CNTNAP4: variants seen among roughly 807,000 people sequenced by gnomAD.
CNTNAP4 encodes the protein contactin associated protein family member 4, also known as contactin-associated protein-like 4.
A neutral mutation model predicts 148.4 loss-of-function variants in CNTNAP4; 98 were observed. The ratio of observed to expected loss-of-function variants is 0.66; its 90% CI spans 0.56 to 0.78. The LOEUF is 0.78. Ranked by LOEUF, CNTNAP4 falls within the 30% of genes least tolerant of loss-of-function variation. The pLI is 0.00. For synonymous variants in CNTNAP4, 730 were observed against 565.1 expected (o/e 1.29, Z -4.14); for missense variants, 1,935 against 1,565.6 (o/e 1.24, Z -3.98).
chr16:76,350,759 A>G (rs533849515), intron 2 of CNTNAP4, among the ~76,000 whole-genome samples: 1 of 152,240 alleles, frequency 6.6e-6, no homozygotes, highest in South Asian at 2.1e-4. Context: ...TTTAATTCTC[A>G]TAACAATACT....
intron 4 of CNTNAP4, among the ~76,000 whole-genome samples, chr16:76,430,651 CA>C (rs148451964): frequency 0.027 from 4,173 of 152,280 alleles, 135 homozygotes; most frequent in African/African-American, 0.085. Context: ...TGAAGGATTG[CA>C]TGCAACTGGC....
At chr16:76,444,308 TAATA>T (rs1278065538) in intron 4 of CNTNAP4, among the ~76,000 whole-genome samples, 4 of 152,200 alleles carry the variant, frequency 2.6e-5, no homozygotes, top group Admixed American at 2.0e-4. Context: ...ATTCATTCAG[TAATA>T]AATAGTAAAA....
intron 3 of CNTNAP4, among the ~76,000 whole-genome samples, chr16:76,395,087 G>A (rs944457292): frequency 6.6e-6 from 1 of 152,084 alleles, no homozygotes. Flanking sequence ...ATGGCAAAAC[G>A]TGACTCTCCC....
At chr16:76,519,919 A>G (rs1281304071) in intron 15 of CNTNAP4, among the ~76,000 whole-genome samples, 3 of 152,252 alleles carry the variant, frequency 2.0e-5, no homozygotes, top group Non-Finnish European at 4.4e-5. Context: ...GTAAATTAAA[A>G]TTTAAGAAAC....
At chr16:76,507,764 G>A (rs2082882454) in intron 15 of CNTNAP4, among the ~76,000 whole-genome samples, 1 of 94,702 alleles carries the variant, frequency 1.1e-5, no homozygotes, top group African/African-American at 2.7e-5. Flanking sequence ...TCATACACAG[G>A]GTTAAACCTA....
intron 4 of CNTNAP4, among the ~76,000 whole-genome samples, chr16:76,430,214 G>A (rs2079559931): frequency 6.6e-6 from 1 of 152,184 alleles, no homozygotes; most frequent in African/African-American, 2.4e-5. Context: ...GTCAGAGACT[G>A]TAAAGAATAA....
At chr16:76,380,402 G>A (rs764731740) in intron 3 of CNTNAP4, among the ~76,000 whole-genome samples, 2 of 152,090 alleles carry the variant, frequency 1.3e-5, no homozygotes, top group Admixed American at 6.5e-5. Context: ...AAAATAAATT[G>A]GGGATTAAGT....
intron 4 of CNTNAP4, among the ~76,000 whole-genome samples, chr16:76,434,741 A>G (rs1402303655): frequency 6.6e-6 from 1 of 152,046 alleles, no homozygotes; most frequent in African/African-American, 2.4e-5. Flanking sequence ...ATAGCCCTCA[A>G]CCTCCCAGCC....
chr16:76,464,075 A>C (rs9921237), intron 9 of CNTNAP4, among the ~76,000 whole-genome samples: 8,434 of 152,210 alleles, frequency 0.055, 612 homozygotes, highest in African/African-American at 0.18. Context: ...CCAGGGCTGG[A>C]AGCAAGGAGC....
Position 76,489,822 on chromosome 16 carries a change from A to G in CNTNAP4, c.2019A>G (p.Ala673=), listed in dbSNP as rs1277610345. The G allele has an allele frequency of 3.7e-6, 6 of 1,605,916 alleles. No individual in the cohort carries two copies. Among genetic ancestry groups the G allele is most frequent in the Non-Finnish European group, 3.4e-6 (4 of 1,175,544 alleles). The change falls in exon 13 of 24, where the codon GCA becomes GCG. Residue 673 remains alanine (A), a synonymous_variant. Coordinates refer to ENST00000611870, the MANE Select transcript of CNTNAP4 (RefSeq NM_033401.5). ...AACTTCAGGCCACTATTAACCGTGC[A>G]GAGCACTGTGAACAGGAGTTTACTT... ...MEQLQATINR[A]EHCEQEFTYY...
chr16:76,331,266 T>C (rs952410970), intron 2 of CNTNAP4, among the ~76,000 whole-genome samples: 1 of 151,752 alleles, frequency 6.6e-6, no homozygotes, highest in African/African-American at 2.4e-5. Flanking sequence ...CGGCTCACTG[T>C]AAGCTCCGCC....
chr16:76,370,447 G>A (rs1014151949), intron 3 of CNTNAP4, among the ~76,000 whole-genome samples: 7 of 152,100 alleles, frequency 4.6e-5, no homozygotes, highest in African/African-American at 1.7e-4. Context: ...CTTGTAAAAG[G>A]CTCAGCCACT....
chr16:76,434,746 C>G (rs78832620), intron 4 of CNTNAP4, among the ~76,000 whole-genome samples: 4,260 of 152,272 alleles, frequency 0.028, 93 homozygotes, highest in African/African-American at 0.06. Context: ...CCTCAACCTC[C>G]CAGCCAGGAA....
intron 3 of CNTNAP4, among the ~76,000 whole-genome samples, chr16:76,421,349 AAACTT>A (rs2079181462): frequency 6.6e-6 from 1 of 152,100 alleles, no homozygotes. Flanking sequence ...GTGCAGCTCA[AAACTT>A]AACATTCTAA....
chr16:76,319,396 A>G (rs955511479), intron 2 of CNTNAP4, among the ~76,000 whole-genome samples: 3 of 152,002 alleles, frequency 2.0e-5, no homozygotes. Context: ...CAAAAGAGAG[A>G]GAGGGAGGGG....
rs1963504517 is a variant in CNTNAP4 at position 76,331,359 on chromosome 16, T to C, written c.196+14836T>C. 2.6e-5 allele frequency among the ~76,000 whole-genome samples: 4 copies of C among 152,066 alleles called. No homozygotes were observed. In the South Asian group the frequency reaches 8.3e-4, roughly 32 times the overall value. On this transcript the variant is annotated intron_variant, in intron 2 of 23. Transcript: ENST00000611870. Reference sequence around the variant, plus strand: ...CCCGCCACCATGCTCGGCTAATTTTTTGTATTTTTTAGTAGAGGCAGGGTT... The same window carrying C: ...CCCGCCACCATGCTCGGCTAATTTTCTGTATTTTTTAGTAGAGGCAGGGTT...
intron 2 of CNTNAP4, among the ~76,000 whole-genome samples, chr16:76,345,441 G>A (rs1397505995): frequency 6.6e-6 from 1 of 152,336 alleles, no homozygotes; most frequent in Non-Finnish European, 1.5e-5. Context: ...AGTCAAGGAA[G>A]GCTATTCAAA....
At chr16:76,477,260 T>C (rs2081618899) in intron 11 of CNTNAP4, among the ~76,000 whole-genome samples, 1 of 152,152 alleles carries the variant, frequency 6.6e-6, no homozygotes, top group African/African-American at 2.4e-5. Context: ...GTAAGGCCCA[T>C]GTTATTTCAT....
At chr16:76,311,357 A>G (rs1030844606) in intron 1 of CNTNAP4, among the ~76,000 whole-genome samples, 1 of 152,110 alleles carries the variant, frequency 6.6e-6, no homozygotes, top group Non-Finnish European at 1.5e-5. Flanking sequence ...TTTAATGACA[A>G]TGGTAAGTTT....
Sources: gnomAD v4.1 joint callset for allele counts (sites outside exome capture counted in the v4.1 genomes callset) on GRCh38, gnomAD v4.1.1 for gene constraint, MANE v1.5 for transcripts, NCBI Gene and HGNC (gene_info 2026-07-23, HGNC 2026-07-21) for gene names.